The following VEZT variants were observed in gnomAD, a reference collection of about 807,000 sequenced individuals.
VEZT encodes vezatin, adherens junctions transmembrane protein, also known as vezatin.
A neutral mutation model predicts 79.9 loss-of-function variants in VEZT; 39 were observed. That is an observed-to-expected ratio of 0.49 (90% CI 0.38 to 0.64). The LOEUF (loss-of-function observed/expected upper bound fraction) is 0.64. VEZT is among the 30% of genes least tolerant of loss of function. VEZT has a pLI of 0.00. For missense variants in VEZT, 837 were observed against 893.1 expected (o/e 0.94, Z 0.80); for synonymous variants, 325 against 327.6 (o/e 0.99, Z 0.09).
At position 95,266,504 on chromosome 12, in the gene VEZT, A is replaced by C. The variant is rs1323450157; in HGVS notation, c.582A>C (p.Gln194His). The C allele has an allele frequency of 6.2e-7, 1 of 1,613,826 alleles. No individual in the cohort carries two copies. Among genetic ancestry groups the C allele is most frequent in the African/African-American group, 1.3e-5 (1 of 74,916 alleles). The part of the protein sequence containing the change: ...ALRLWRTAKL[Q>H]VTLKKYSVHL... ...GATTATGGAGGACAGCCAAACTACA[A>C]GTGACCCTAAAAAAATACAGCGTTC... is the stretch of plus-strand genomic sequence containing the variant. Residue 194 changes from glutamine to histidine, a missense_variant, in exon 5 of 12, where the codon CAA becomes CAC. Coordinates refer to ENST00000436874, the MANE Select transcript of VEZT (RefSeq NM_017599.4).
intron 1 of VEZT, among the ~76,000 whole-genome samples, chr12:95,231,072 A>C (rs1050673008): frequency 6.6e-6 from 1 of 152,196 alleles, no homozygotes; most frequent in Non-Finnish European, 1.5e-5. Context: ...AAAAATCTTA[A>C]GGTTACTCTT....
rs1314039341 is a variant in VEZT, at chr12:95,286,591, T to A, written c.1329-1073T>A. The A allele has an allele frequency of 6.5e-6, 3 of 463,284 alleles. No individual in the cohort carries two copies. In the East Asian group the frequency reaches 1.6e-4, roughly 25 times the overall value. The allele number at this position is 463,284 out of a possible 1,614,324, so 28.7% of individuals were successfully genotyped here. ...AAGGTTTTCTTTTTGTACCATCTTT[T>A]TCTTCACCAGCTTTTTGAGAATTAA... is the stretch of plus-strand genomic sequence containing the variant. On this transcript the variant is annotated intron_variant, in intron 8 of 11. Transcript: ENST00000436874.
At chr12:95,281,126 A>T (rs1302317029) in intron 7 of VEZT, among the ~76,000 whole-genome samples, 1 of 152,174 alleles carries the variant, frequency 6.6e-6, no homozygotes, top group African/African-American at 2.4e-5. Flanking sequence ...GTTTCATACT[A>T]CATTGTTTCC....
In VEZT at chr12:95,264,326, T is replaced by G. The variant is rs1194288271; in HGVS notation, c.434+1245T>G. Among the ~76,000 whole-genome samples, 10 of 152,248 alleles carry G rather than the reference T, an allele frequency of 6.6e-5. No homozygotes were observed. In the East Asian group the frequency reaches 1.9e-3, roughly 29 times the overall value. Reference sequence around the variant, plus strand: ...ATCAAGCAACTATGAGACCTATAAATGATTTTAGAGTTTACTATTAACATA... The same window carrying G: ...ATCAAGCAACTATGAGACCTATAAAGGATTTTAGAGTTTACTATTAACATA... On this transcript the variant is annotated intron_variant, in intron 4 of 11. Transcript: ENST00000436874.
chr12:95,251,933 T>G lies in VEZT; in HGVS notation c.37-7T>G, dbSNP rs1317464252. On this transcript the variant is annotated splice_region_variant and splice_polypyrimidine_tract_variant and intron_variant, in intron 1 of 11. Transcript: ENST00000436874. ...TTGAAATTTGCTTTATTTTGTGTCT[T>G]TTTCAGAATTCTCCACTTTACCAAT... The G allele has an allele frequency of 2.5e-6, 4 of 1,597,168 alleles. No homozygotes were observed. Among genetic ancestry groups the G allele is most frequent in the Non-Finnish European group, 3.4e-6 (4 of 1,175,078 alleles).
intron 1 of VEZT, among the ~76,000 whole-genome samples, chr12:95,241,303 C>G (rs2137327723): frequency 6.6e-6 from 1 of 152,190 alleles, no homozygotes; most frequent in South Asian, 2.1e-4. Flanking sequence ...TCCCAGAGTG[C>G]TGGGATTACA....
intron 1 of VEZT, among the ~76,000 whole-genome samples, chr12:95,235,641 C>T (rs2059999682): frequency 1.4e-5 from 2 of 143,308 alleles, no homozygotes; most frequent in Admixed American, 6.8e-5. Flanking sequence ...CCTCACCTCC[C>T]GGATGGGGCG....
chr12:95,274,521 A>AT (rs774074327), intron 6 of VEZT, among the ~76,000 whole-genome samples: 15 of 152,126 alleles, frequency 9.9e-5, no homozygotes, highest in Non-Finnish European at 2.2e-4. Context: ...TGAACTGTTA[A>AT]TTTTTTAGAC....
In VEZT at chr12:95,257,178, C is replaced by A. The variant is rs936119670; in HGVS notation, c.197C>A (p.Thr66Asn). ...GGTATCCTGTTAAAAGTGGCTGAAA[C>A]CATCAAAAGTTGGATTTTTTTTTCT... is the stretch of plus-strand genomic sequence containing the variant. ...KQGILLKVAE[T>N]IKSWIFFSQC... The change falls in exon 3 of 12, where the codon ACC becomes AAC. Residue 66 changes from threonine to asparagine, a missense_variant. Physicochemically the swap from Thr to Asn is moderately conservative, Grantham distance 65. Coordinates refer to ENST00000436874, the MANE Select transcript of VEZT (RefSeq NM_017599.4). 46 of 1,611,370 alleles carry A rather than the reference C, an allele frequency of 2.9e-5. 1 individual carries two copies. Among genetic ancestry groups the A allele is most frequent in the Non-Finnish European group, 1.7e-6 (2 of 1,178,954 alleles).
intron 2 of VEZT, among the ~76,000 whole-genome samples, chr12:95,254,339 CTTTTTTTTTT>C (rs34968028): frequency 7.2e-5 from 5 of 69,402 alleles, no homozygotes; most frequent in Non-Finnish European, 1.3e-4. Context: ...AAACGAAGTT[CTTTTTTTTTT>C]TTTTTTTTTT....
At chr12:95,221,675 A>G (rs1267899733) in intron 1 of VEZT, among the ~76,000 whole-genome samples, 1 of 148,028 alleles carries the variant, frequency 6.8e-6, no homozygotes, top group Non-Finnish European at 1.5e-5. Flanking sequence ...AAAACCCTGC[A>G]TATTAAAAAA....
At chr12:95,291,921 C>G (rs1248029727) in intron 9 of VEZT, among the ~76,000 whole-genome samples, 2 of 152,168 alleles carry the variant, frequency 1.3e-5, no homozygotes, top group African/African-American at 4.8e-5. Context: ...GCCTCAGCCT[C>G]TCGAATAGCT....
chr12:95,276,765 C>T (rs565348339), intron 7 of VEZT, among the ~76,000 whole-genome samples: 3 of 152,162 alleles, frequency 2.0e-5, no homozygotes, highest in African/African-American at 4.8e-5. Flanking sequence ...ATATCTTTTA[C>T]ATTTTCTAAA....
intron 9 of VEZT, among the ~76,000 whole-genome samples, chr12:95,289,386 C>G (rs1224716253): frequency 7.3e-6 from 1 of 137,402 alleles, no homozygotes; most frequent in Non-Finnish European, 1.5e-5. Flanking sequence ...CACTGCACTC[C>G]AGCCTGGGCA....
chr12:95,217,947 C>G, intron 1 of VEZT, 61 bp downstream of exon 1: 1 of 1,432,464 alleles, frequency 7.0e-7, no homozygotes. Context: ...AGACGGAAAT[C>G]GAGGAAGCAA....
chr12:95,259,698 G>T (rs945234848), intron 3 of VEZT, among the ~76,000 whole-genome samples: 2 of 152,132 alleles, frequency 1.3e-5, no homozygotes, highest in African/African-American at 4.8e-5. Flanking sequence ...TATTTAAATC[G>T]ATCAGAATTA....
intron 8 of VEZT, among the ~76,000 whole-genome samples, chr12:95,283,108 T>C (rs1387426073): frequency 2.0e-5 from 3 of 152,220 alleles, no homozygotes; most frequent in South Asian, 2.1e-4. Context: ...GAAAATTTTT[T>C]TGTATCACAG....
In VEZT at chr12:95,302,523, G is replaced by A. The variant is rs1347716775; in HGVS notation, c.*1850G>A. ...ATCTTGCAGCTTTATTTGAGTATTT[G>A]TTCTTTTGTGTAGTTTCCATCTTTT... On this transcript the variant is annotated 3_prime_UTR_variant, in exon 12 of 12. Transcript: ENST00000436874. The A allele has an allele frequency of 1.3e-5, 2 of 151,982 alleles. No individual in the cohort carries two copies. Among genetic ancestry groups the A allele is most frequent in the Non-Finnish European group, 2.9e-5 (2 of 67,968 alleles). 9.4% of individuals were successfully genotyped at this position (151,982 alleles called of 1,614,324 possible).
intron 6 of VEZT, among the ~76,000 whole-genome samples, chr12:95,272,751 G>A (rs777614333): frequency 7.1e-4 from 108 of 152,138 alleles, no homozygotes; most frequent in Non-Finnish European, 1.2e-3. Context: ...ACATGTAGGG[G>A]AAAATGGTTC....
Sources: gnomAD v4.1 joint callset for allele counts (sites outside exome capture counted in the v4.1 genomes callset) on GRCh38, gnomAD v4.1.1 for gene constraint, MANE v1.5 for transcripts, NCBI Gene and HGNC (gene_info 2026-07-23, HGNC 2026-07-21) for gene names.